Variants in PDE9A observed in about 807,000 individuals in gnomAD.
PDE9A encodes the protein high affinity cGMP-specific 3',5'-cyclic phosphodiesterase 9A.
PDE9A carries 60 observed loss-of-function variants against 87.4 expected under a neutral mutation model. The observed-to-expected ratio is 0.69, with a 90% CI of 0.56 to 0.85. The LOEUF is 0.85. Among genes scored for constraint, PDE9A ranks in the 40% least tolerant of loss-of-function variants. The pLI is 0.00. For synonymous variants in PDE9A, 272 were observed against 279.4 expected (o/e 0.97, Z 0.27); for missense variants, 665 against 779.0 (o/e 0.85, Z 1.74).
chr21:42,769,275 ACG>A (rs561870998), intron 17 of PDE9A, 120 bp downstream of exon 17: 14 of 917,882 alleles, frequency 1.5e-5, no homozygotes, highest in Admixed American at 1.3e-4. Context: ...TCATGCACAC[ACG>A]TACACAGATA....
chr21:42,726,012 G>C (rs1245366046), intron 4 of PDE9A, among the ~76,000 whole-genome samples: 3 of 152,152 alleles, frequency 2.0e-5, no homozygotes, highest in African/African-American at 7.2e-5. Context: ...CAGCCATTTT[G>C]ATAGGTGTGC....
At chr21:42,698,364 T>C (rs1377433160) in intron 3 of PDE9A, among the ~76,000 whole-genome samples, 1 of 152,242 alleles carries the variant, frequency 6.6e-6, no homozygotes, top group Non-Finnish European at 1.5e-5. Flanking sequence ...TCCTGGTCTA[T>C]GCCTGTTCCA....
intron 1 of PDE9A, among the ~76,000 whole-genome samples, chr21:42,662,629 CCA>C (rs1268172418): frequency 6.9e-6 from 1 of 144,566 alleles, no homozygotes; most frequent in Non-Finnish European, 1.5e-5. Context: ...ACACCACACA[CCA>C]CACACACGCA....
chr21:42,751,504 C>CT (rs1388448763), intron 9 of PDE9A, among the ~76,000 whole-genome samples: 3 of 152,222 alleles, frequency 2.0e-5, no homozygotes, highest in Non-Finnish European at 4.4e-5. Flanking sequence ...CTGGAAAGAA[C>CT]TTTAACGTTT....
intron 3 of PDE9A, among the ~76,000 whole-genome samples, chr21:42,688,992 C>A (rs956556648): frequency 6.6e-6 from 1 of 151,912 alleles, no homozygotes; most frequent in Admixed American, 6.5e-5. Context: ...CCAGAGCCGT[C>A]CCCCTCAGTG....
rs908266482 is a variant in PDE9A, at chr21:42,668,208, G to A, written c.69+14325G>A. Among the ~76,000 whole-genome samples, 4 of 152,202 alleles carry A rather than the reference G, an allele frequency of 2.6e-5. No individual in the cohort carries two copies. In the East Asian group the frequency reaches 5.8e-4, roughly 22 times the overall value. On this transcript the variant is annotated intron_variant, in intron 1 of 19. Transcript: ENST00000291539. ...CCAGTGATCCTCCAGAGGGGCTGCC[G>A]CCTGGGTCCCCCGAGCACCTCCTAC...
intron 1 of PDE9A, among the ~76,000 whole-genome samples, chr21:42,656,157 C>T: frequency 6.6e-6 from 1 of 152,210 alleles, no homozygotes; most frequent in East Asian, 1.9e-4. Context: ...TCCGCCCCAT[C>T]TCCTCTCCAT....
chr21:42,686,252 G>C lies in PDE9A; in HGVS notation c.130G>C (p.Gly44Arg), dbSNP rs756737949. ...CATGGACCTGTTCTGCATCGCCACC[G>C]GCCTGCCTCGGTGAGTGCGCGCTGC... is the stretch of plus-strand genomic sequence containing the variant. ...DIMDLFCIAT[G>R]LPRNTTISLL... Residue 44 changes from glycine (G) to arginine (R), a missense_variant, in exon 2 of 20, where the codon GGC becomes CGC. Coordinates refer to ENST00000291539, the MANE Select transcript of PDE9A (RefSeq NM_002606.3). The C allele has an allele frequency of 6.2e-7, 1 of 1,613,410 alleles. No individual in the cohort carries two copies. The highest frequency in any genetic ancestry group is 8.5e-7 in the Non-Finnish European group (1 of 1,179,434).
At chr21:42,738,862 T>A (rs544381451) in intron 7 of PDE9A, among the ~76,000 whole-genome samples, 1 of 152,290 alleles carries the variant, frequency 6.6e-6, no homozygotes, top group East Asian at 1.9e-4. Context: ...AATTTTTGTA[T>A]TTTTAGTGGA....
chr21:42,731,532 G>T (rs1569213635), intron 4 of PDE9A, among the ~76,000 whole-genome samples: 3 of 152,158 alleles, frequency 2.0e-5, no homozygotes, highest in Admixed American at 6.5e-5. Context: ...TTGAGCCTGG[G>T]ACCTGGACCT....
intron 3 of PDE9A, chr21:42,689,634 G>C (rs949282216): frequency 1.7e-4 from 169 of 985,306 alleles, no homozygotes; most frequent in Non-Finnish European, 1.9e-4. Flanking sequence ...TAAACTCGGC[G>C]GGAAATAGGA....
At chr21:42,741,916 T>G (rs1159355222) in intron 7 of PDE9A, among the ~76,000 whole-genome samples, 1 of 152,136 alleles carries the variant, frequency 6.6e-6, no homozygotes, top group Non-Finnish European at 1.5e-5. Flanking sequence ...AAAAGGGGAA[T>G]AGAGTGGTAT....
intron 13 of PDE9A, among the ~76,000 whole-genome samples, chr21:42,761,295 C>T (rs1432685134): frequency 1.3e-5 from 2 of 152,238 alleles, no homozygotes; most frequent in African/African-American, 4.8e-5. Flanking sequence ...TGGGCAGGCT[C>T]CCAGCTGGCT....
Position 42,718,755 on chromosome 21 carries a change from G to A in PDE9A, c.263-13015G>A, listed in dbSNP as rs534833696. Among the ~76,000 whole-genome samples, 17 of 151,820 alleles carry A rather than the reference G, an allele frequency of 1.1e-4. No individual in the cohort carries two copies. In the South Asian group the frequency reaches 2.5e-3, roughly 23 times the overall value. ...GTTTGCTCATTTTGGCATCTGAGCC[G>A]GCAAGCGTCCAGGGTGTCTGAGGGA... On this transcript the variant is annotated intron_variant, in intron 4 of 19. Coordinates refer to ENST00000291539, the MANE Select transcript of PDE9A (RefSeq NM_002606.3).
chr21:42,653,871 A>G lies in PDE9A; in HGVS notation c.57A>G (p.Gly19=). The part of the protein sequence containing the change: ...RPKAIYLDID[G]RIQKVIFSKY... ...AGGCCATCTACCTGGACATCGATGG[A>G]CGCATTCAGAAGGTAGCCCCTCCCC... Residue 19 remains glycine, a synonymous_variant, in exon 1 of 20, where the codon GGA becomes GGG. Coordinates refer to ENST00000291539, the MANE Select transcript of PDE9A (RefSeq NM_002606.3). 1 of 1,558,802 alleles carries G rather than the reference A, an allele frequency of 6.4e-7. No homozygotes were observed.
At chr21:42,734,520 A>C (rs1042527494) in intron 7 of PDE9A, 2 of 152,264 alleles carry the variant, frequency 1.3e-5, no homozygotes, top group African/African-American at 4.8e-5. Context: ...GATACCATTA[A>C]GAGTTGCAGC....
chr21:42,713,786 G>A (rs961042509), intron 4 of PDE9A, among the ~76,000 whole-genome samples: 1 of 151,960 alleles, frequency 6.6e-6, no homozygotes, highest in Non-Finnish European at 1.5e-5. Flanking sequence ...GTGGCATAAT[G>A]TGTATGTTAA....
In PDE9A at chr21:42,653,888, C is replaced by G; in HGVS notation, c.69+5C>G. The G allele has an allele frequency of 6.5e-7, 1 of 1,526,972 alleles. No homozygotes were observed. 94.6% of individuals were successfully genotyped at this position (1,526,972 alleles called of 1,614,324 possible). The stretch of plus-strand genomic sequence containing the variant: ...ATCGATGGACGCATTCAGAAGGTAG[C>G]CCCTCCCCCACCCAGACACCCCCTC... On this transcript the variant is annotated splice_donor_5th_base_variant and intron_variant, in intron 1 of 19. Coordinates refer to ENST00000291539, the MANE Select transcript of PDE9A (RefSeq NM_002606.3).
In PDE9A at chr21:42,696,340, C is replaced by T. The variant is rs1054529916; in HGVS notation, c.219-2628C>T. Among the ~76,000 whole-genome samples, 3 of 152,186 alleles carry T rather than the reference C, an allele frequency of 2.0e-5. No individual in the cohort carries two copies. The highest frequency in any genetic ancestry group is 4.4e-5 in the Non-Finnish European group (3 of 68,026). The stretch of plus-strand genomic sequence containing the variant: ...AGCCCTTGCCCCACCTCCTGGAGCC[C>T]TTCTCTGCGCCTGGTCACTACCCGC... On this transcript the variant is annotated intron_variant, in intron 3 of 19. Coordinates refer to ENST00000291539, the MANE Select transcript of PDE9A (RefSeq NM_002606.3). This position sits in a 1 kb window ranked among gnomAD's most constrained non-coding sequence, Gnocchi z 5.1.
Sources: gnomAD v4.1 joint callset for allele counts (sites outside exome capture counted in the v4.1 genomes callset) on GRCh38, gnomAD v4.1.1 for gene constraint, Gnocchi (gnomAD v3.1) non-coding constraint, MANE v1.5 for transcripts, NCBI Gene and HGNC (gene_info 2026-07-23, HGNC 2026-07-21) for gene names.